The following PHLDB1 variants were observed in gnomAD, a reference collection of about 807,000 sequenced individuals.
The protein encoded by PHLDB1 is pleckstrin homology like domain family B member 1.
PHLDB1 carries 65 observed loss-of-function variants against 139.3 expected under a neutral mutation model. That is an observed-to-expected ratio of 0.47 (90% CI 0.38 to 0.57). The LOEUF (loss-of-function observed/expected upper bound fraction) is 0.57. Among genes scored for constraint, PHLDB1 ranks in the 20% least tolerant of loss-of-function variants. The pLI is 0.00. For synonymous variants in PHLDB1, 679 were observed against 734.5 expected, an observed-to-expected ratio of 0.92 and a Z score of 1.22; for missense variants, 1,624 against 1,839.7, an observed-to-expected ratio of 0.88 and a Z score of 2.14.
chr11:118,627,154 G>C (rs1363239798), intron 5 of PHLDB1, 151 bp from the exon 6 acceptor site: 2 of 713,962 alleles, frequency 2.8e-6, no homozygotes, highest in Non-Finnish European at 4.7e-6. Context: ...TAGCAGGTCA[G>C]TGGCAGAGCT....
At position 118,656,858 on chromosome 11, in the gene PHLDB1, C is replaced by T. The variant is rs782128129; in HGVS notation, c.*35C>T. On this transcript the variant is annotated 3_prime_UTR_variant, in exon 23 of 23. Coordinates refer to ENST00000600882, the MANE Select transcript of PHLDB1 (RefSeq NM_001144758.3). ...GCCTCCTGGCAGAGCACAACTGGGG[C>T]TTTTGTATAAGAAGACTTTAATATT... The T allele has an allele frequency of 6.3e-7, 1 of 1,579,112 alleles. No homozygotes were observed.
intron 1 of PHLDB1, 92 bp from the exon 2 acceptor site, chr11:118,613,724 C>T: frequency 1.4e-6 from 1 of 725,816 alleles, no homozygotes. Context: ...TGACTGGTGA[C>T]ACCTCTGCCC....
At chr11:118,644,632 G>A (rs547224470) in intron 15 of PHLDB1, 2 of 1,285,160 alleles carry the variant, frequency 1.6e-6, no homozygotes, top group South Asian at 1.2e-5. Context: ...CTCTGCCTGG[G>A]GTCCCCCACG....
intron 10 of PHLDB1, among the ~76,000 whole-genome samples, 191 bp from the exon 11 acceptor site, chr11:118,638,700 G>T (rs1281453802): frequency 6.6e-6 from 1 of 152,162 alleles, no homozygotes; most frequent in African/African-American, 2.4e-5. Context: ...TTGGTCAAGG[G>T]AGGGAGGGAG....
Position 118,650,417 on chromosome 11 carries a change from G to A in PHLDB1, c.3772-28G>A, listed in dbSNP as rs782750861. 1.3e-6 allele frequency: 2 copies of A among 1,498,596 alleles called. No homozygotes were observed. Among genetic ancestry groups the A allele is most frequent in the Non-Finnish European group, 1.9e-6 (2 of 1,074,476 alleles). The allele number at this position is 1,498,596 out of a possible 1,614,324, so 92.8% of individuals were successfully genotyped here. A position where few individuals can be genotyped will look rare whatever the true frequency, so the allele number is the denominator to read the frequency against. The stretch of plus-strand genomic sequence containing the variant: ...TAAGGCTTAAGGGCTGCATATTTGG[G>A]TCCTTCCTTACTCCTGCTTCCTACC... On this transcript the variant is annotated intron_variant, in intron 19 of 22. Coordinates refer to ENST00000600882, the MANE Select transcript of PHLDB1 (RefSeq NM_001144758.3). The surrounding 1 kb of genome is among the most constrained non-coding windows in gnomAD (Gnocchi z 4.7).
rs898103184 is a variant in PHLDB1, at chr11:118,639,864, G to A, written c.2736+613G>A. 23 of 984,410 alleles carry A rather than the reference G, an allele frequency of 2.3e-5. No individual in the cohort carries two copies. The African/African-American group carries it at 2.6e-4, about 11-fold the overall frequency. 61.0% of individuals were successfully genotyped at this position (984,410 alleles called of 1,614,324 possible). On this transcript the variant is annotated intron_variant, in intron 12 of 22. Coordinates refer to ENST00000600882, the MANE Select transcript of PHLDB1 (RefSeq NM_001144758.3). ...TCACCATGTCCCCTCTCTGTAGGCC[G>A]AGCTGCTCATCTCCGAGTCCTCAGA...
rs375241989 is a variant in PHLDB1, at chr11:118,628,304, G to T, written c.1481G>T (p.Arg494Leu). ...REVAESPRPR[R>L]WAAHGASPED... The stretch of plus-strand genomic sequence containing the variant: ...GTGGCAGAGAGTCCTCGGCCCCGGC[G>T]CTGGGCAGCCCATGGGGCTTCACCA... The change falls in exon 6 of 23, where the codon CGC (arginine) becomes CTC (leucine). Residue 494 changes from arginine (R) to leucine (L), a missense_variant. Transcript: ENST00000600882. 20 of 1,613,846 alleles carry T rather than the reference G, an allele frequency of 1.2e-5. No individual in the cohort carries two copies. Among genetic ancestry groups the T allele is most frequent in the Admixed American group, 1.7e-5 (1 of 60,018 alleles).
At chr11:118,631,130 G>A in intron 6 of PHLDB1, 77 bp from the exon 7 acceptor site, 2 of 1,274,952 alleles carry the variant, frequency 1.6e-6, no homozygotes, top group Non-Finnish European at 2.0e-6. Flanking sequence ...CCTCCTGACA[G>A]GATACTGAAC....
Position 118,631,345 on chromosome 11 carries a change from G to A in PHLDB1, c.1966G>A (p.Gly656Ser). The change falls in exon 7 of 23, where the codon GGC becomes AGC. Residue 656 changes from glycine to serine, a missense_variant. Physicochemically the swap from Gly to Ser is moderately conservative, Grantham distance 56. Coordinates refer to ENST00000600882, the MANE Select transcript of PHLDB1 (RefSeq NM_001144758.3). Reference sequence around the variant, plus strand: ...ACTGGCAGGCCGGAGGCCCTCACGAGGCCTTGCAGGGGCCTCTGGGCGGAG... The same window carrying A: ...ACTGGCAGGCCGGAGGCCCTCACGAAGCCTTGCAGGGGCCTCTGGGCGGAG... Reference protein sequence around the residue: ...LALAGRRPSRGLAGASGRSSE... With the variant: ...LALAGRRPSRSLAGASGRSSE... 3.3e-6 allele frequency: 5 copies of A among 1,536,548 alleles called. No homozygotes were observed. The highest frequency in any genetic ancestry group is 4.4e-6 in the Non-Finnish European group (5 of 1,143,100).
At chr11:118,613,382 C>T in intron 1 of PHLDB1, 5 of 988,046 alleles carry the variant, frequency 5.1e-6, no homozygotes, top group Non-Finnish European at 6.0e-6. Flanking sequence ...TTTAGCCCTG[C>T]CACCTACCTG....
chr11:118,607,968 C>G (rs370453147), intron 1 of PHLDB1, among the ~76,000 whole-genome samples: 1 of 152,068 alleles, frequency 6.6e-6, no homozygotes, highest in East Asian at 1.9e-4. Context: ...ACGCTCTCCC[C>G]CCCTTGGAGA....
chr11:118,642,124 C>T (rs781936622), intron 12 of PHLDB1, 130 bp from the exon 13 acceptor site: 2 of 837,302 alleles, frequency 2.4e-6, no homozygotes, highest in Non-Finnish European at 3.9e-6. Flanking sequence ...CCTTTTTAAC[C>T]TTCCCCTTCC....
chr11:118,628,801 T>G (rs1370385655), intron 6 of PHLDB1, 151 bp downstream of exon 6: 1 of 642,840 alleles, frequency 1.6e-6, no homozygotes, highest in Non-Finnish European at 2.6e-6. Context: ...GTGATCAATA[T>G]CTTATGGTTC....
intron 15 of PHLDB1, chr11:118,644,942 C>T: frequency 3.7e-6 from 1 of 269,676 alleles, no homozygotes; most frequent in African/African-American, 2.3e-5. Context: ...TCTGCATTGG[C>T]AGTCTGGGTG....
rs1239471764 is a variant in PHLDB1 at position 118,608,479 on chromosome 11, C to T, written c.-22+780C>T. On this transcript the variant is annotated intron_variant, in intron 1 of 22. Transcript: ENST00000600882. This position sits in a 1 kb window ranked among gnomAD's most constrained non-coding sequence, Gnocchi z 6.7. ...GCGCCGGCGCAGGGTGGCCGAGTCG[C>T]CCGCTAGCGCTTCCGCCGAGGCAGG... Among the ~76,000 whole-genome samples the T allele has an allele frequency of 1.3e-5, 2 of 152,282 alleles. No homozygotes were observed. The highest frequency in any genetic ancestry group is 2.4e-5 in the African/African-American group (1 of 41,570).
Position 118,650,394 on chromosome 11 carries a change from AGGCTTAAG to A in PHLDB1, c.3772-46_3772-39del. 1 of 1,279,058 alleles carries A rather than the reference AGGCTTAAG, an allele frequency of 7.8e-7. No individual in the cohort carries two copies. The highest frequency in any genetic ancestry group is 1.1e-6 in the Non-Finnish European group (1 of 874,260). The allele number at this position is 1,279,058 out of a possible 1,614,324, so 79.2% of individuals were successfully genotyped here. ...AGGCACAGGCGATGGCACACACTTAAGGCTTAAGGGCTGCATATTTGGGTCCTTCCTTA... is the reference window on the plus strand; with the variant it reads ...AGGCACAGGCGATGGCACACACTTAAGGCTGCATATTTGGGTCCTTCCTTA... On this transcript the variant is annotated intron_variant, in intron 19 of 22. Coordinates refer to ENST00000600882, the MANE Select transcript of PHLDB1 (RefSeq NM_001144758.3). The surrounding 1 kb of genome is among the most constrained non-coding windows in gnomAD (Gnocchi z 4.7).
At chr11:118,636,672 T>C (rs1430991638) in intron 10 of PHLDB1, 1 of 152,174 alleles carries the variant, frequency 6.6e-6, no homozygotes, top group Non-Finnish European at 1.5e-5. Context: ...AAGCCTCCCA[T>C]TATATAAGCT....
In PHLDB1 at chr11:118,632,465, C is replaced by G; in HGVS notation, c.2379+169C>G. The G allele has an allele frequency of 2.7e-6, 2 of 734,362 alleles. No homozygotes were observed. Among genetic ancestry groups the G allele is most frequent in the Non-Finnish European group, 4.5e-6 (2 of 442,650 alleles). The allele number at this position is 734,362 out of a possible 1,614,324, so 45.5% of individuals were successfully genotyped here. ...GACTTCTCCTCCTCTGTGGAAGGAA[C>G]CAGCTTGGAGGGCACTGCCAGGGGC... is the stretch of plus-strand genomic sequence containing the variant. On this transcript the variant is annotated intron_variant, in intron 9 of 22. Transcript: ENST00000600882. This position sits in a 1 kb window ranked among gnomAD's most constrained non-coding sequence, Gnocchi z 5.9.
At chr11:118,618,337 G>A (rs1942077183) in intron 4 of PHLDB1, among the ~76,000 whole-genome samples, 1 of 152,132 alleles carries the variant, frequency 6.6e-6, no homozygotes, top group African/African-American at 2.4e-5. Flanking sequence ...TGGGCTCCAG[G>A]AGCTGAGGGT....
Sources: allele counts gnomAD v4.1 joint callset (sites outside exome capture counted in the v4.1 genomes callset), GRCh38; gene constraint gnomAD v4.1.1; non-coding constraint Gnocchi (gnomAD v3.1); transcripts MANE v1.5; gene names NCBI Gene and HGNC (gene_info 2026-07-23, HGNC 2026-07-21).